Variants in HIKESHI observed in about 807,000 individuals in gnomAD.
HIKESHI encodes heat shock protein nuclear import factor hikeshi.
In HIKESHI, 13 loss-of-function variants were observed where a neutral mutation model predicts 25.7. The observed-to-expected ratio is 0.51, with a 90% CI of 0.33 to 0.80. The LOEUF is 0.80. HIKESHI is among the 30% of genes least tolerant of loss of function. The pLI, the probability that HIKESHI is intolerant of heterozygous loss-of-function variation, is 0.02. For synonymous variants in HIKESHI, 76 were observed against 78.7 expected (o/e 0.97, Z 0.18); for missense variants, 174 against 229.5 (o/e 0.76, Z 1.56).
At chr11:86,328,044 G>A (rs2646727) in intron 2 of HIKESHI, among the ~76,000 whole-genome samples, 94,267 of 151,994 alleles carry the variant, frequency 0.62, 29,415 homozygotes, top group East Asian at 0.79. Context: ...ATCCCTGCCA[G>A]GTATAACAGA....
At chr11:86,329,707 G>C (rs755484219) in intron 2 of HIKESHI, among the ~76,000 whole-genome samples, 7 of 151,658 alleles carry the variant, frequency 4.6e-5, no homozygotes, top group Non-Finnish European at 8.8e-5. Context: ...TGCTTTCTGA[G>C]TTTGTATAAA....
chr11:86,322,290 G>A (rs1237744167), intron 2 of HIKESHI, among the ~76,000 whole-genome samples: 1 of 151,828 alleles, frequency 6.6e-6, no homozygotes, highest in Admixed American at 6.6e-5. Flanking sequence ...CCCGGCCTCC[G>A]AGCATTTTTT....
In HIKESHI at chr11:86,306,492, A is replaced by G; in HGVS notation, c.268+10A>G. The G allele has an allele frequency of 6.7e-7, 1 of 1,503,272 alleles. No homozygotes were observed. The allele number at this position is 1,503,272 out of a possible 1,614,324, so 93.1% of individuals were successfully genotyped here. A position where few individuals can be genotyped will look rare whatever the true frequency, so the allele number is the denominator to read the frequency against. ...TCAGGTCTTAAATCTGGTAAGAATA[A>G]TATATTAAAGTAGTTTTATAATTAA... On this transcript the variant is annotated intron_variant, in intron 2 of 4. Transcript: ENST00000278483.
chr11:86,309,421 AT>A (rs1240955147), intron 2 of HIKESHI, among the ~76,000 whole-genome samples: 2 of 151,498 alleles, frequency 1.3e-5, no homozygotes, highest in Non-Finnish European at 2.9e-5. Context: ...GGGCTGTTTG[AT>A]TTTTTTCTTG....
intron 2 of HIKESHI, among the ~76,000 whole-genome samples, chr11:86,325,196 AAAG>A (rs1947243798): frequency 6.6e-6 from 1 of 152,202 alleles, no homozygotes; most frequent in Non-Finnish European, 1.5e-5. Context: ...AGGAAAAAAA[AAAG>A]AGAAAAATTT....
At chr11:86,307,858 T>C (rs1946692874) in intron 2 of HIKESHI, among the ~76,000 whole-genome samples, 1 of 126,110 alleles carries the variant, frequency 7.9e-6, no homozygotes, top group Non-Finnish European at 1.5e-5. Flanking sequence ...ATGTGTAATA[T>C]ACATTATATA....
intron 3 of HIKESHI, among the ~76,000 whole-genome samples, chr11:86,342,362 A>G (rs1466981746): frequency 6.6e-6 from 1 of 152,134 alleles, no homozygotes; most frequent in Non-Finnish European, 1.5e-5. Flanking sequence ...ACATACAGAT[A>G]TACTATATTT....
chr11:86,326,276 C>T (rs113443946), intron 2 of HIKESHI, among the ~76,000 whole-genome samples: 8 of 151,608 alleles, frequency 5.3e-5, no homozygotes, highest in Admixed American at 3.3e-4. Context: ...CCAGCCTGGG[C>T]GACAGAGGGA....
chr11:86,307,014 T>A (rs11234605), intron 2 of HIKESHI, among the ~76,000 whole-genome samples: 32,755 of 124,376 alleles, frequency 0.26, 5,963 homozygotes, highest in Non-Finnish European at 0.34. Flanking sequence ...AAAAAAAAAA[T>A]ATATATATAT....
intron 2 of HIKESHI, 40 bp from the exon 3 acceptor site, chr11:86,337,339 G>C: frequency 6.3e-7 from 1 of 1,579,228 alleles, no homozygotes; most frequent in Non-Finnish European, 8.6e-7. Flanking sequence ...GTGACTACAA[G>C]TTTAATTTGA....
intron 4 of HIKESHI, chr11:86,345,210 G>T: frequency 4.3e-6 from 4 of 935,626 alleles, no homozygotes; most frequent in Non-Finnish European, 5.2e-6. Context: ...TTTGAATTTT[G>T]GCATAATGTA....
intron 2 of HIKESHI, among the ~76,000 whole-genome samples, chr11:86,329,451 T>C (rs971445525): frequency 2.0e-5 from 3 of 152,174 alleles, no homozygotes; most frequent in African/African-American, 7.2e-5. Flanking sequence ...GGGTATGATA[T>C]ATATTGAATA....
At chr11:86,321,613 T>C (rs1009647594) in intron 2 of HIKESHI, among the ~76,000 whole-genome samples, 1 of 152,038 alleles carries the variant, frequency 6.6e-6, no homozygotes, top group African/African-American at 2.4e-5. Flanking sequence ...CACTGCAACC[T>C]CTGCCTCCCA....
chr11:86,311,367 T>A (rs1192720758), intron 2 of HIKESHI, among the ~76,000 whole-genome samples: 1 of 152,244 alleles, frequency 6.6e-6, no homozygotes, highest in African/African-American at 2.4e-5. Flanking sequence ...TATAGTATTC[T>A]TTGATGGTAG....
intron 2 of HIKESHI, among the ~76,000 whole-genome samples, chr11:86,331,982 CTT>C (rs796831448): frequency 1.5e-4 from 19 of 129,504 alleles, no homozygotes; most frequent in Admixed American, 1.6e-4. Flanking sequence ...GTTTTCTTTT[CTT>C]TTTTTTTTTT....
intron 2 of HIKESHI, among the ~76,000 whole-genome samples, chr11:86,329,381 T>C (rs1364375347): frequency 6.6e-6 from 1 of 152,166 alleles, no homozygotes; most frequent in East Asian, 1.9e-4. Flanking sequence ...TATTTGTTGC[T>C]AGTATTATAG....
chr11:86,326,271 C>G (rs1260834340), intron 2 of HIKESHI, among the ~76,000 whole-genome samples: 5 of 152,106 alleles, frequency 3.3e-5, no homozygotes, highest in Non-Finnish European at 5.9e-5. Flanking sequence ...ACTCTCCAGC[C>G]TGGGCGACAG....
intron 2 of HIKESHI, among the ~76,000 whole-genome samples, chr11:86,318,394 C>T (rs1319671208): frequency 6.6e-6 from 1 of 151,138 alleles, no homozygotes. Context: ...CCTCTTCCTT[C>T]CTCATGCAGC....
chr11:86,324,549 CTT>C (rs964523460), intron 2 of HIKESHI, among the ~76,000 whole-genome samples: 2 of 152,016 alleles, frequency 1.3e-5, no homozygotes, highest in African/African-American at 4.8e-5. Context: ...GTTTGGAAAA[CTT>C]TTTGAATGTT....
Sources: allele counts gnomAD v4.1 joint callset (sites outside exome capture counted in the v4.1 genomes callset), GRCh38; gene constraint gnomAD v4.1.1; transcripts MANE v1.5; gene names NCBI Gene and HGNC (gene_info 2026-07-23, HGNC 2026-07-21).